STIM2: variants seen among roughly 807,000 people sequenced by gnomAD.
The protein encoded by STIM2 is stromal interaction molecule 2.
A neutral mutation model predicts 85.8 loss-of-function variants in STIM2; 31 were observed. The ratio of observed to expected loss-of-function variants is 0.36; its 90% confidence interval spans 0.27 to 0.49. The LOEUF is 0.49. Among genes scored for constraint, STIM2 ranks in the 20% least tolerant of loss-of-function variants. The pLI is 0.98. For synonymous variants in STIM2, 356 were observed against 331.1 expected (o/e 1.08, Z -0.82); for missense variants, 841 against 927.6 (o/e 0.91, Z 1.21).
chr4:26,978,273 A>G (rs994436903), intron 3 of STIM2, among the ~76,000 whole-genome samples: 12 of 142,138 alleles, frequency 8.4e-5, no homozygotes, highest in Admixed American at 2.1e-4. Context: ...TTTAAATCAT[A>G]TATATATTTT....
intron 2 of STIM2, among the ~76,000 whole-genome samples, chr4:26,941,679 T>C (rs1169235090): frequency 3.3e-5 from 5 of 150,888 alleles, no homozygotes. Context: ...ATTAATGGGA[T>C]CTCCTAATTA....
intron 1 of STIM2, among the ~76,000 whole-genome samples, chr4:26,882,009 A>G (rs1425061797): frequency 6.6e-6 from 1 of 152,156 alleles, no homozygotes; most frequent in African/African-American, 2.4e-5. Flanking sequence ...TGTGTTTTTG[A>G]GTGCCCAATA....
intron 1 of STIM2, among the ~76,000 whole-genome samples, chr4:26,918,258 T>C (rs1724665587): frequency 6.7e-6 from 1 of 149,864 alleles, no homozygotes; most frequent in Non-Finnish European, 1.5e-5. Flanking sequence ...GAAAATAAAA[T>C]TATCTGTGGG....
chr4:26,934,390 T>C (rs539793472), intron 2 of STIM2, among the ~76,000 whole-genome samples: 1 of 152,300 alleles, frequency 6.6e-6, no homozygotes, highest in South Asian at 2.1e-4. Context: ...TCACACAGAT[T>C]TCATTCCATT....
At position 26,957,624 on chromosome 4, in the gene STIM2, G is replaced by T; in HGVS notation, c.295G>T (p.Asp99Tyr). Reference sequence around the variant, plus strand: ...TTCTCTTCTATAGTTCATCAGAGAAGATATGAAATATAAAGATGCTACTAA... The same window carrying T: ...TTCTCTTCTATAGTTCATCAGAGAATATATGAAATATAAAGATGCTACTAA... Residue 99 changes from aspartate to tyrosine, a missense_variant, in exon 3 of 12, where the codon GAT (aspartate) becomes TAT (tyrosine). Asp to Tyr is a radical substitution (Grantham distance 160, BLOSUM62 -3). This residue lies in a region of STIM2 where 408 missense variants were observed against 525.4 expected (regional missense o/e 0.78). Transcript: ENST00000467087. The T allele has an allele frequency of 6.6e-7, 1 of 1,526,390 alleles. No homozygotes were observed. The highest frequency in any genetic ancestry group is 8.8e-7 in the Non-Finnish European group (1 of 1,130,784). The allele number at this position is 1,526,390 out of a possible 1,614,324, so 94.6% of individuals were successfully genotyped here. A position where few individuals can be genotyped will look rare whatever the true frequency, so the allele number is the denominator to read the frequency against.
At position 26,929,883 on chromosome 4, in the gene STIM2, T is replaced by C. The variant is rs1343277783; in HGVS notation, c.282+10249T>C. Among the ~76,000 whole-genome samples the C allele has an allele frequency of 2.0e-5, 3 of 151,308 alleles. No individual in the cohort carries two copies. In the East Asian group the frequency reaches 5.8e-4, roughly 29 times the overall value. ...CAGGGGGATCATTATCAGTTAGAGATGATGGGGGCTGTAATGTTCTATAGG... is the reference window on the plus strand; with the variant it reads ...CAGGGGGATCATTATCAGTTAGAGACGATGGGGGCTGTAATGTTCTATAGG... On this transcript the variant is annotated intron_variant, in intron 2 of 11. Coordinates refer to ENST00000467087, the MANE Select transcript of STIM2 (RefSeq NM_020860.4).
At position 27,002,216 on chromosome 4, in the gene STIM2, G is replaced by T; in HGVS notation, c.626-1G>T. The T allele has an allele frequency of 6.3e-7, 1 of 1,589,888 alleles. No individual in the cohort carries two copies. Among genetic ancestry groups the T allele is most frequent in the Non-Finnish European group, 8.5e-7 (1 of 1,172,132 alleles). On this transcript the variant is annotated splice_acceptor_variant, in intron 5 of 11. Transcript: ENST00000467087. LOFTEE classifies it high-confidence loss of function. Reference sequence around the variant, plus strand: ...TTAATCATCTGTAATTCTTTTAATAGGCCCACCTCATAACTGGATGAAAGA... The same window carrying T: ...TTAATCATCTGTAATTCTTTTAATATGCCCACCTCATAACTGGATGAAAGA...
At chr4:26,976,673 G>A (rs1385002789) in intron 3 of STIM2, among the ~76,000 whole-genome samples, 1 of 151,928 alleles carries the variant, frequency 6.6e-6, no homozygotes, top group Non-Finnish European at 1.5e-5. Context: ...TGGGTGTGGT[G>A]CGCACCTGTA....
Position 26,877,119 on chromosome 4 carries a change from G to A in STIM2, c.151+15750G>A, listed in dbSNP as rs1722839893. 2.0e-5 allele frequency among the ~76,000 whole-genome samples: 3 copies of A among 151,636 alleles called. No individual in the cohort carries two copies. In the South Asian group the frequency reaches 6.3e-4, roughly 32 times the overall value. ...CTTTGCTTTCTCTATTCTCCCTTTG[G>A]GACACCAATTAAGTATATGTTAGAC... is the stretch of plus-strand genomic sequence containing the variant. On this transcript the variant is annotated intron_variant, in intron 1 of 11. Coordinates refer to ENST00000467087, the MANE Select transcript of STIM2 (RefSeq NM_020860.4).
In STIM2 at chr4:26,883,004, A is replaced by ATT. The variant is rs140871540; in HGVS notation, c.151+21650_151+21651dup. Among the ~76,000 whole-genome samples, 3,658 of 139,246 alleles carry ATT rather than the reference A, an allele frequency of 0.026. 231 individuals are homozygous for ATT. The East Asian group carries it at 0.28, about 11-fold the overall frequency. 91.4% of individuals were successfully genotyped at this position (139,246 alleles called of 152,430 possible). A position where few individuals can be genotyped will look rare whatever the true frequency, so the allele number is the denominator to read the frequency against. On this transcript the variant is annotated intron_variant, in intron 1 of 11. Coordinates refer to ENST00000467087, the MANE Select transcript of STIM2 (RefSeq NM_020860.4). ...AGGCATGCGCCACCATACCTGGCTAATTTTTTTTTTTTTTTTGTATTTTTA... is the reference window on the plus strand; with the variant it reads ...AGGCATGCGCCACCATACCTGGCTAATTTTTTTTTTTTTTTTTTGTATTTTTA...
intron 3 of STIM2, among the ~76,000 whole-genome samples, chr4:26,965,032 A>G (rs1035842993): frequency 6.6e-6 from 1 of 152,190 alleles, no homozygotes; most frequent in South Asian, 2.1e-4. Flanking sequence ...ATATGCTACA[A>G]ATACCTGTGC....
chr4:26,994,451 A>G (rs900593436), intron 3 of STIM2, among the ~76,000 whole-genome samples: 1 of 146,768 alleles, frequency 6.8e-6, no homozygotes, highest in African/African-American at 2.4e-5. Context: ...CTTATCTACT[A>G]CTATCATAGT....
chr4:26,982,440 T>A (rs746264317), intron 3 of STIM2, among the ~76,000 whole-genome samples: 41 of 152,330 alleles, frequency 2.7e-4, no homozygotes, highest in African/African-American at 9.6e-4. Flanking sequence ...CTGGCTTCTA[T>A]ATTCTTTAAA....
chr4:26,880,328 G>T (rs1206212660), intron 1 of STIM2, among the ~76,000 whole-genome samples: 3 of 151,576 alleles, frequency 2.0e-5, no homozygotes, highest in Non-Finnish European at 4.4e-5. Flanking sequence ...GACTTTTTTT[G>T]GTGACTTCCT....
At chr4:26,875,880 C>T (rs1397779838) in intron 1 of STIM2, among the ~76,000 whole-genome samples, 5 of 152,130 alleles carry the variant, frequency 3.3e-5, no homozygotes, top group Non-Finnish European at 5.9e-5. Context: ...TAATCATTTG[C>T]GTGTTCTGAA....
At chr4:26,936,738 A>C (rs1304145161) in intron 2 of STIM2, among the ~76,000 whole-genome samples, 3 of 152,350 alleles carry the variant, frequency 2.0e-5, no homozygotes, top group South Asian at 2.1e-4. Context: ...AAGAACCAAA[A>C]ACTTCTGAAA....
chr4:26,954,451 T>C (rs1420863100), intron 2 of STIM2, among the ~76,000 whole-genome samples: 1 of 148,700 alleles, frequency 6.7e-6, no homozygotes, highest in Non-Finnish European at 1.5e-5. Flanking sequence ...AAGACTCACT[T>C]CATTGAATTT....
At chr4:26,920,290 C>G (rs1332276778) in intron 2 of STIM2, among the ~76,000 whole-genome samples, 2 of 152,132 alleles carry the variant, frequency 1.3e-5, no homozygotes, top group African/African-American at 4.8e-5. Flanking sequence ...AGCTCAGAAT[C>G]TGTGTGGAAG....
At chr4:26,874,232 AGGG>A (rs147572762) in intron 1 of STIM2, 1 of 443,830 alleles carries the variant, frequency 2.3e-6, no homozygotes, top group Non-Finnish European at 4.5e-6. Flanking sequence ...GGGCTGCGGC[AGGG>A]GTCTCCTGGA....
Sources: gnomAD v4.1 joint callset for allele counts (sites outside exome capture counted in the v4.1 genomes callset) on GRCh38, gnomAD v4.1.1 for gene constraint, gnomAD v4.1.1 regional missense constraint, MANE v1.5 for transcripts, NCBI Gene and HGNC (gene_info 2026-07-23, HGNC 2026-07-21) for gene names.